Variants in MYRIP observed in about 807,000 individuals in gnomAD.
MYRIP encodes the protein myosin VIIA and Rab interacting protein, also known as rab effector MyRIP.
MYRIP carries 49 observed loss-of-function variants against 98.0 expected under a neutral mutation model. The ratio of observed to expected loss-of-function variants is 0.50; its 90% confidence interval spans 0.40 to 0.63. MYRIP has a LOEUF of 0.63. Ranked by LOEUF, MYRIP falls within the 30% of genes least tolerant of loss-of-function variation. MYRIP has a pLI of 0.00. For missense variants in MYRIP, 1,004 were observed against 1,058.2 expected (o/e 0.95, Z 0.71); for synonymous variants, 404 against 409.5 (o/e 0.99, Z 0.16).
chr3:40,208,401 C>T (rs1391116026), intron 10 of MYRIP, among the ~76,000 whole-genome samples: 1 of 152,128 alleles, frequency 6.6e-6, no homozygotes, highest in African/African-American at 2.4e-5. Flanking sequence ...GATGGTATGC[C>T]ATATTATGTA....
intron 2 of MYRIP, among the ~76,000 whole-genome samples, chr3:40,012,480 G>A (rs527474634): frequency 6.6e-6 from 1 of 152,280 alleles, no homozygotes; most frequent in South Asian, 2.1e-4. Context: ...AGTTGCCTGT[G>A]GTCGTTAATT....
At chr3:40,002,543 A>G (rs1472303905) in intron 2 of MYRIP, among the ~76,000 whole-genome samples, 1 of 152,096 alleles carries the variant, frequency 6.6e-6, no homozygotes, top group Non-Finnish European at 1.5e-5. Flanking sequence ...CTAAAAAAAA[A>G]AAAAGAAAAT....
rs537401569 is a variant in MYRIP at position 40,018,039 on chromosome 3, G to A, written c.111-26011G>A. On this transcript the variant is annotated intron_variant, in intron 2 of 16. Transcript: ENST00000302541. Reference sequence around the variant, plus strand: ...TGAACTTTAAACTAGAAGTTTTCTCGTTTCCTTATGAATGTATCAATCATA... The same window carrying A: ...TGAACTTTAAACTAGAAGTTTTCTCATTTCCTTATGAATGTATCAATCATA... Among the ~76,000 whole-genome samples, 135 of 152,168 alleles carry A rather than the reference G, an allele frequency of 8.9e-4. 2 individuals carry two copies. Among genetic ancestry groups the A allele is most frequent in the African/African-American group, 2.9e-3 (122 of 41,498 alleles).
intron 1 of MYRIP, among the ~76,000 whole-genome samples, chr3:39,861,735 GA>G (rs563235541): frequency 7.9e-5 from 12 of 151,942 alleles, no homozygotes; most frequent in Non-Finnish European, 1.6e-4. Context: ...CCAAGCTGAA[GA>G]AAGAATCTCA....
intron 2 of MYRIP, among the ~76,000 whole-genome samples, chr3:39,943,847 A>G (rs558228451): frequency 2.8e-4 from 42 of 152,242 alleles, no homozygotes; most frequent in Admixed American, 1.9e-3. Flanking sequence ...CTCAAACTTA[A>G]TGGATTATGG....
intron 2 of MYRIP, among the ~76,000 whole-genome samples, chr3:39,939,948 T>G (rs1944744765): frequency 6.6e-6 from 1 of 151,952 alleles, no homozygotes; most frequent in Non-Finnish European, 1.5e-5. Context: ...TGCATGCATG[T>G]GTATGTGTAG....
chr3:40,211,995 A>G (rs1575638327), intron 11 of MYRIP, among the ~76,000 whole-genome samples: 1 of 151,864 alleles, frequency 6.6e-6, no homozygotes, highest in East Asian at 1.9e-4. Flanking sequence ...TCAGCTTTTC[A>G]AAGTTCAAGT....
intron 2 of MYRIP, among the ~76,000 whole-genome samples, chr3:39,951,540 G>A (rs942422132): frequency 6.6e-6 from 1 of 152,168 alleles, no homozygotes; most frequent in Admixed American, 6.5e-5. Flanking sequence ...TAGTACAAAA[G>A]CAGCCATAGG....
At chr3:39,922,087 T>G (rs960831377) in intron 2 of MYRIP, among the ~76,000 whole-genome samples, 2 of 151,830 alleles carry the variant, frequency 1.3e-5, no homozygotes, top group Admixed American at 6.6e-5. Context: ...TACTGAGGAG[T>G]GGCATGGTGT....
At chr3:39,812,478 A>G (rs1374317999) in intron 1 of MYRIP, among the ~76,000 whole-genome samples, 1 of 152,196 alleles carries the variant, frequency 6.6e-6, no homozygotes, top group African/African-American at 2.4e-5. Context: ...TGGTGTAACA[A>G]ACCTGATCCC....
intron 2 of MYRIP, among the ~76,000 whole-genome samples, chr3:39,917,432 C>T (rs1381534331): frequency 7.5e-6 from 1 of 133,262 alleles, no homozygotes; most frequent in African/African-American, 2.9e-5. Flanking sequence ...AGGATGCTTT[C>T]TTTGAAAGAA....
At chr3:40,008,443 G>T (rs993922091) in intron 2 of MYRIP, among the ~76,000 whole-genome samples, 2 of 152,160 alleles carry the variant, frequency 1.3e-5, no homozygotes, top group African/African-American at 4.8e-5. Context: ...GGTATTTTCT[G>T]TATTAAACTT....
rs1199309758 is a variant in MYRIP, at chr3:40,258,267, A to AGAAG, written c.*103_*106dup. 43 of 1,453,630 alleles carry AGAAG rather than the reference A, an allele frequency of 3.0e-5. No individual in the cohort carries two copies. Among genetic ancestry groups the AGAAG allele is most frequent in the Non-Finnish European group, 4.0e-5 (41 of 1,037,136 alleles). 90.0% of individuals were successfully genotyped at this position (1,453,630 alleles called of 1,614,324 possible). ...GTACTGTATGTATTTCCACCTGAGG[A>AGAAG]GAAGGCCTGGGGAGGCCACAGTGCA... On this transcript the variant is annotated 3_prime_UTR_variant, in exon 17 of 17. Transcript: ENST00000302541.
At chr3:40,046,248 G>A (rs1430709246) in intron 3 of MYRIP, among the ~76,000 whole-genome samples, 1 of 152,064 alleles carries the variant, frequency 6.6e-6, no homozygotes, top group Non-Finnish European at 1.5e-5. Flanking sequence ...ATGACTGCAT[G>A]TTATGATTCT....
At chr3:39,849,747 T>C (rs1184892704) in intron 1 of MYRIP, among the ~76,000 whole-genome samples, 1 of 152,108 alleles carries the variant, frequency 6.6e-6, no homozygotes. Flanking sequence ...TCTTCTACAG[T>C]GTAGAGAGAT....
At chr3:40,189,435 AG>A (rs1207661682) in intron 9 of MYRIP, among the ~76,000 whole-genome samples, 16 of 152,310 alleles carry the variant, frequency 1.1e-4, no homozygotes, top group Non-Finnish European at 1.5e-5. Flanking sequence ...CTAAGGATCC[AG>A]GAGACAAAAT....
In MYRIP at chr3:39,819,177, C is replaced by T. The variant is rs565141677; in HGVS notation, c.-31+9261C>T. Among the ~76,000 whole-genome samples the T allele has an allele frequency of 7.2e-4, 109 of 152,138 alleles. 1 individual carries two copies. The highest frequency in any genetic ancestry group is 2.5e-3 in the African/African-American group (104 of 41,518). On this transcript the variant is annotated intron_variant, in intron 1 of 16. Transcript: ENST00000302541. ...CAGCCTGACCAACATGGTGAAACCT[C>T]GTTTCTACTAAATACAAAAAATTAG...
intron 2 of MYRIP, among the ~76,000 whole-genome samples, chr3:39,989,798 A>G (rs1456276458): frequency 2.0e-5 from 3 of 152,266 alleles, no homozygotes; most frequent in East Asian, 1.9e-4. Flanking sequence ...GCAATCTGCC[A>G]CAGCCATTGT....
At chr3:39,978,564 T>C (rs914705896) in intron 2 of MYRIP, among the ~76,000 whole-genome samples, 1 of 152,206 alleles carries the variant, frequency 6.6e-6, no homozygotes, top group Non-Finnish European at 1.5e-5. Context: ...CACCCAGGAT[T>C]ATAATTCCTC....
Sources: gnomAD v4.1 joint callset for allele counts (sites outside exome capture counted in the v4.1 genomes callset) on GRCh38, gnomAD v4.1.1 for gene constraint, MANE v1.5 for transcripts, NCBI Gene and HGNC (gene_info 2026-07-23, HGNC 2026-07-21) for gene names.